MYT1: variants seen among roughly 807,000 people sequenced by gnomAD.
MYT1 encodes the protein myelin transcription factor 1.
MYT1 carries 23 observed loss-of-function variants against 123.0 expected under a neutral mutation model. The ratio of observed to expected loss-of-function variants is 0.19; its 90% CI spans 0.13 to 0.26. The LOEUF (loss-of-function observed/expected upper bound fraction) is 0.26. Among genes scored for constraint, MYT1 ranks in the 10% least tolerant of loss-of-function variants. MYT1 has a pLI of 1.00. For missense variants in MYT1, 1,125 were observed against 1,472.5 expected (o/e 0.76, Z 3.86); for synonymous variants, 518 against 575.3 (o/e 0.90, Z 1.43).
In MYT1 at chr20:64,231,972, G is replaced by A. The variant is rs2983430; in HGVS notation, c.2676-192G>A. 2.0e-5 allele frequency among the ~76,000 whole-genome samples: 3 copies of A among 152,042 alleles called. No individual in the cohort carries two copies. Among genetic ancestry groups the A allele is most frequent in the African/African-American group, 7.3e-5 (3 of 41,374 alleles). ...CAAAGCGGAAGAGGGAGCGTGGCCC[G>A]GGTCTTCACACTCAGCCCGGAAGGG... On this transcript the variant is annotated intron_variant, in intron 18 of 22. Coordinates refer to ENST00000328439, the MANE Select transcript of MYT1 (RefSeq NM_004535.3). This position sits in a 1 kb window ranked among gnomAD's most constrained non-coding sequence, Gnocchi z 6.4.
chr20:64,230,356 T>G (rs1984282241), intron 18 of MYT1, among the ~76,000 whole-genome samples: 1 of 151,688 alleles, frequency 6.6e-6, no homozygotes, highest in African/African-American at 2.4e-5. Context: ...CTACTAAAAA[T>G]ACAAAAATCA....
At chr20:64,221,491 C>T (rs1217771273) in intron 13 of MYT1, among the ~76,000 whole-genome samples, 4 of 152,248 alleles carry the variant, frequency 2.6e-5, no homozygotes, top group Non-Finnish European at 1.5e-5. Context: ...ATCTCATCTT[C>T]ATGGCATTTC....
At position 64,232,543 on chromosome 20, in the gene MYT1, G is replaced by A. The variant is rs1984353105; in HGVS notation, c.2897+158G>A. Among the ~76,000 whole-genome samples the A allele has an allele frequency of 6.6e-6, 1 of 152,154 alleles. No homozygotes were observed. Among genetic ancestry groups the A allele is most frequent in the Admixed American group, 6.5e-5 (1 of 15,284 alleles). ...GCCACATGGGTAGCGGATGGGGGAG[G>A]CTAGCGGGTCTGTTGGTGCCAGGTG... On this transcript the variant is annotated intron_variant, in intron 19 of 22. Coordinates refer to ENST00000328439, the MANE Select transcript of MYT1 (RefSeq NM_004535.3). This position sits in a 1 kb window ranked among gnomAD's most constrained non-coding sequence, Gnocchi z 6.9.
intron 1 of MYT1, among the ~76,000 whole-genome samples, chr20:64,170,917 A>AGAGAGAGG (rs1982254661): frequency 1.5e-5 from 2 of 135,674 alleles, no homozygotes; most frequent in Non-Finnish European, 3.2e-5. Flanking sequence ...AGAGAGAGAG[A>AGAGAGAGG]GAGAGAGAGA....
chr20:64,203,114 C>T lies in MYT1; in HGVS notation c.87-1921C>T, dbSNP rs754255179. On this transcript the variant is annotated intron_variant, in intron 4 of 22. Coordinates refer to ENST00000328439, the MANE Select transcript of MYT1 (RefSeq NM_004535.3). This position sits in a 1 kb window ranked among gnomAD's most constrained non-coding sequence, Gnocchi z 5.1. ...TCCCCGAGCGGCCTTGTCCGCTCCA[C>T]GCACTTGGGCTCACAGCCGTGTCTC... Among the ~76,000 whole-genome samples the T allele has an allele frequency of 6.6e-6, 1 of 152,178 alleles. No individual in the cohort carries two copies. The highest frequency in any genetic ancestry group is 2.1e-4 in the South Asian group (1 of 4,824).
At chr20:64,169,237 C>T (rs1982171928) in intron 1 of MYT1, among the ~76,000 whole-genome samples, 1 of 151,972 alleles carries the variant, frequency 6.6e-6, no homozygotes, top group South Asian at 2.1e-4. Context: ...TTTAGAAGGC[C>T]CTAGAAGGTC....
intron 18 of MYT1, among the ~76,000 whole-genome samples, chr20:64,229,084 C>T (rs1984252607): frequency 6.6e-6 from 1 of 152,248 alleles, no homozygotes; most frequent in Non-Finnish European, 1.5e-5. Context: ...TCACATCCTT[C>T]AGACGGGGAT....
chr20:64,195,100 T>C lies in MYT1; in HGVS notation c.1-3762T>C, dbSNP rs185430283. ...TAGTAGAGTCAGGTTTCACCATGCC[T>C]GCCTCGGCCTCCCAAAGTGCTGGGA... On this transcript the variant is annotated intron_variant, in intron 2 of 22. Coordinates refer to ENST00000328439, the MANE Select transcript of MYT1 (RefSeq NM_004535.3). 5.9e-4 allele frequency among the ~76,000 whole-genome samples: 89 copies of C among 152,108 alleles called. 1 individual carries two copies. Among genetic ancestry groups the C allele is most frequent in the Non-Finnish European group, 9.6e-4 (65 of 67,966 alleles).
At chr20:64,235,846 CCTGGGCTGGCCGTGGTGGGTGACG>C (rs1984514820) in intron 19 of MYT1, among the ~76,000 whole-genome samples, 2 of 92,002 alleles carry the variant, frequency 2.2e-5, no homozygotes, top group African/African-American at 5.0e-5. Context: ...GGTGGGTGAC[CCTGGGCTGGCCGTGGTGGGTGACG>C]CTGGGATGGT....
chr20:64,235,024 GGTCA>G, intron 19 of MYT1, among the ~76,000 whole-genome samples: 1 of 149,694 alleles, frequency 6.7e-6, no homozygotes, highest in Admixed American at 6.6e-5. Context: ...ACCCTGGGAT[GGTCA>G]TGGTGGGTGA....
Position 64,207,875 on chromosome 20 carries a change from G to A in MYT1, c.679G>A (p.Val227Ile), listed in dbSNP as rs750823748. 6.2e-7 allele frequency: 1 copy of A among 1,613,348 alleles called. No individual in the cohort carries two copies. The highest frequency in any genetic ancestry group is 1.1e-5 in the South Asian group (1 of 91,022). Residue 227 changes from valine to isoleucine, a missense_variant, in exon 7 of 23, where the codon GTC (valine) becomes ATC (isoleucine). Val to Ile is a conservative substitution (Grantham distance 29, BLOSUM62 3). Transcript: ENST00000328439. ...AGAGGATGCCGAGGAGGTCGTCGAA[G>A]TCACCACCGAGCGCTCCCAGGACCT... ...QPEDAEEVVE[V>I]TTERSQDLCP...
chr20:64,205,475 C>T (rs1171751563), intron 5 of MYT1, 78 bp from the exon 6 acceptor site: 52 of 1,562,194 alleles, frequency 3.3e-5, no homozygotes, highest in Admixed American at 5.5e-5. Context: ...GGAGGACCCT[C>T]GGGAGGGGCT....
At chr20:64,236,754 C>T in intron 20 of MYT1, 108 bp downstream of exon 20, 1 of 936,078 alleles carries the variant, frequency 1.1e-6, no homozygotes, top group Non-Finnish European at 1.7e-6. Flanking sequence ...TGAAGCCCCT[C>T]CTGGAATGAG....
At chr20:64,219,296 A>C (rs916919353) in intron 12 of MYT1, among the ~76,000 whole-genome samples, 7 of 152,234 alleles carry the variant, frequency 4.6e-5, no homozygotes, top group Non-Finnish European at 1.5e-5. Context: ...GGTTGTGTGC[A>C]CACCATGCGC....
rs557555155 is a variant in MYT1, at chr20:64,203,782, G to A, written c.87-1253G>A. 1.3e-5 allele frequency among the ~76,000 whole-genome samples: 2 copies of A among 152,364 alleles called. No individual in the cohort carries two copies. The highest frequency in any genetic ancestry group is 2.9e-5 in the Non-Finnish European group (2 of 68,040). Reference sequence around the variant, plus strand: ...TTGTCTGCAGTCAGGCCTGTGATCAGTCGAATTAGAAACGATCAGAGGTGT... The same window carrying A: ...TTGTCTGCAGTCAGGCCTGTGATCAATCGAATTAGAAACGATCAGAGGTGT... On this transcript the variant is annotated intron_variant, in intron 4 of 22. Coordinates refer to ENST00000328439, the MANE Select transcript of MYT1 (RefSeq NM_004535.3). This position sits in a 1 kb window ranked among gnomAD's most constrained non-coding sequence, Gnocchi z 5.1.
At chr20:64,173,179 T>A (rs989530143) in intron 1 of MYT1, among the ~76,000 whole-genome samples, 4 of 152,094 alleles carry the variant, frequency 2.6e-5, no homozygotes, top group African/African-American at 7.2e-5. Flanking sequence ...TTGTGCCTGA[T>A]TGGAAAAAGT....
chr20:64,234,581 T>C, intron 19 of MYT1, among the ~76,000 whole-genome samples: 1 of 152,156 alleles, frequency 6.6e-6, no homozygotes, highest in Non-Finnish European at 1.5e-5. Context: ...TAACCCGTAA[T>C]GTGTGACCCT....
At chr20:64,227,040 A>G (rs968945066) in intron 16 of MYT1, among the ~76,000 whole-genome samples, 22 of 152,242 alleles carry the variant, frequency 1.4e-4, no homozygotes, top group Admixed American at 6.5e-5. Flanking sequence ...CGGACCCTAC[A>G]GAAGTCCAAG....
chr20:64,220,181 T>G (rs1454194930), intron 13 of MYT1, among the ~76,000 whole-genome samples, 199 bp downstream of exon 13: 1 of 152,202 alleles, frequency 6.6e-6, no homozygotes, highest in Non-Finnish European at 1.5e-5. Flanking sequence ...GGTGGGATTT[T>G]CAGCAGCAGG....
Sources: gnomAD v4.1 joint callset for allele counts (sites outside exome capture counted in the v4.1 genomes callset) on GRCh38, gnomAD v4.1.1 for gene constraint, Gnocchi (gnomAD v3.1) non-coding constraint, MANE v1.5 for transcripts, NCBI Gene and HGNC (gene_info 2026-07-23, HGNC 2026-07-21) for gene names.